FLT1: variants seen among roughly 807,000 people sequenced by gnomAD.
FLT1 encodes the protein vascular endothelial growth factor receptor 1.
FLT1 carries 49 observed loss-of-function variants against 156.3 expected under a neutral mutation model. The observed-to-expected ratio is 0.31, with a 90% CI of 0.25 to 0.40. The LOEUF (loss-of-function observed/expected upper bound fraction) is 0.40, where lower values mean the gene tolerates loss of function less well. Among genes scored for constraint, FLT1 ranks in the 10% least tolerant of loss-of-function variants. The pLI is 1.00. For missense variants in FLT1, 1,322 were observed against 1,637.2 expected, an observed-to-expected ratio of 0.81 and a Z score of 3.32; for synonymous variants, 594 against 583.8, an observed-to-expected ratio of 1.02 and a Z score of -0.25.
chr13:28,381,484 A>G (rs1373896421), intron 14 of FLT1, among the ~76,000 whole-genome samples: 1 of 152,150 alleles, frequency 6.6e-6, no homozygotes, highest in Admixed American at 6.5e-5. Context: ...ACTTGAACAC[A>G]GGAGATGGAG....
At chr13:28,325,816 C>CAA (rs377427677) in intron 20 of FLT1, among the ~76,000 whole-genome samples, 36,649 of 70,728 alleles carry the variant, frequency 0.52, 10,867 homozygotes, top group East Asian at 0.66. Context: ...AACTCTGTCT[C>CAA]AAAAAAAAAA....
At chr13:28,354,424 T>C (rs1872828986) in intron 15 of FLT1, among the ~76,000 whole-genome samples, 1 of 152,202 alleles carries the variant, frequency 6.6e-6, no homozygotes, top group Admixed American at 6.5e-5. Flanking sequence ...TCTTTTCTGG[T>C]GTGTCAAAGA....
intron 4 of FLT1, 141 bp from the exon 5 acceptor site, chr13:28,434,361 T>G (rs1877901013): frequency 4.0e-6 from 3 of 755,338 alleles, no homozygotes; most frequent in Non-Finnish European, 6.5e-6. Flanking sequence ...ACAAACTAGG[T>G]TAAAAACTCT....
chr13:28,486,894 G>A (rs553059694), intron 1 of FLT1, among the ~76,000 whole-genome samples: 1 of 151,960 alleles, frequency 6.6e-6, no homozygotes, highest in Non-Finnish European at 1.5e-5. Context: ...TCTCAAACTG[G>A]CCCCTGGGCA....
chr13:28,431,936 G>A (rs1877707079), intron 6 of FLT1, among the ~76,000 whole-genome samples: 1 of 151,960 alleles, frequency 6.6e-6, no homozygotes, highest in Non-Finnish European at 1.5e-5. Context: ...TTTGAACAGT[G>A]CTTGCCCATG....
At chr13:28,480,386 A>G (rs73158199) in intron 1 of FLT1, among the ~76,000 whole-genome samples, 2 of 152,368 alleles carry the variant, frequency 1.3e-5, no homozygotes, top group Non-Finnish European at 2.9e-5. Context: ...ATAAGTATAT[A>G]TAGATATATA....
chr13:28,387,734 A>G, intron 13 of FLT1: 1 of 1,023,292 alleles, frequency 9.8e-7, no homozygotes. Flanking sequence ...CGTTATCTTC[A>G]CCTCCCTTCA....
intron 14 of FLT1, among the ~76,000 whole-genome samples, chr13:28,360,518 G>A (rs1289988817): frequency 1.3e-5 from 2 of 152,174 alleles, no homozygotes; most frequent in South Asian, 2.1e-4. Flanking sequence ...AAAATAACAG[G>A]AAATTCTGTC....
At chr13:28,368,532 A>G in intron 14 of FLT1, 1 of 1,547,132 alleles carries the variant, frequency 6.5e-7, no homozygotes, top group Non-Finnish European at 8.7e-7. Context: ...TTTTCAATAA[A>G]TGGTAGCTAT....
rs116511491 is a variant in FLT1, at chr13:28,310,289, T to G, written c.3635+1301A>C. 1.3e-3 allele frequency among the ~76,000 whole-genome samples: 196 copies of G among 152,266 alleles called. 1 individual carries two copies. The highest frequency in any genetic ancestry group is 4.5e-3 in the African/African-American group (189 of 41,556). On this transcript the variant is annotated intron_variant, in intron 27 of 29. Transcript: ENST00000282397. ...GAGCTGTGCCTACTGCAAAGAGAGA[T>G]GCTAGAGGCCCATAGTACAGTCTGG...
intron 14 of FLT1, among the ~76,000 whole-genome samples, chr13:28,363,443 ACATGTTTTTGTACTTTTTCCACATG>A (rs1873180321): frequency 1.3e-5 from 2 of 152,148 alleles, no homozygotes; most frequent in African/African-American, 4.8e-5. Context: ...TCTACATAGT[ACATGTTTTTGTACTTTTTCCACATG>A]CATGTTTTTG....
chr13:28,348,798 A>G (rs988233332), intron 15 of FLT1, among the ~76,000 whole-genome samples: 1 of 152,088 alleles, frequency 6.6e-6, no homozygotes, highest in African/African-American at 2.4e-5. Flanking sequence ...AGTCCCAGCT[A>G]CTCAGGAGGC....
chr13:28,453,045 T>A (rs1323853372), intron 3 of FLT1, among the ~76,000 whole-genome samples: 1 of 1,066 alleles, frequency 9.4e-4, no homozygotes, highest in African/African-American at 5.9e-3. Flanking sequence ...TCCTTTCCTT[T>A]CCTTTCCTTT....
At chr13:28,360,525 T>C (rs1159837134) in intron 14 of FLT1, among the ~76,000 whole-genome samples, 1 of 152,236 alleles carries the variant, frequency 6.6e-6, no homozygotes, top group African/African-American at 2.4e-5. Context: ...CAGGAAATTC[T>C]GTCATTTATG....
intron 3 of FLT1, among the ~76,000 whole-genome samples, chr13:28,448,347 G>GA (rs1406254205): frequency 2.6e-5 from 4 of 152,218 alleles, no homozygotes; most frequent in African/African-American, 9.6e-5. Flanking sequence ...GCAAAAGGTG[G>GA]AAGCAACTCA....
chr13:28,337,599 C>T (rs1211292150), intron 17 of FLT1, among the ~76,000 whole-genome samples: 1 of 152,198 alleles, frequency 6.6e-6, no homozygotes, highest in Non-Finnish European at 1.5e-5. Flanking sequence ...ATCAGAGACA[C>T]TCAAATGGAC....
At position 28,301,350 on chromosome 13, in the gene FLT1, A is replaced by C. The variant is rs1870509145; in HGVS notation, c.*1817T>G. ...CTAGCCTGCTTTTGTTTGGATTTAG[A>C]TCTTGGTGGAGAGGACTGTCCCACT... On this transcript the variant is annotated 3_prime_UTR_variant, in exon 30 of 30. Transcript: ENST00000282397. 8.6e-6 allele frequency: 2 copies of C among 232,898 alleles called. No homozygotes were observed. The highest frequency in any genetic ancestry group is 1.7e-5 in the Non-Finnish European group (2 of 117,918). The allele number at this position is 232,898 out of a possible 1,614,324, so 14.4% of individuals were successfully genotyped here.
intron 3 of FLT1, among the ~76,000 whole-genome samples, chr13:28,448,601 G>C (rs1247042129): frequency 6.6e-6 from 1 of 151,740 alleles, no homozygotes; most frequent in East Asian, 1.9e-4. Context: ...TTTAGGGCTG[G>C]GGGGATAAGG....
intron 14 of FLT1, among the ~76,000 whole-genome samples, chr13:28,362,506 A>C (rs1199776711): frequency 6.6e-6 from 1 of 152,086 alleles, no homozygotes; most frequent in Non-Finnish European, 1.5e-5. Context: ...ATTTTCTATC[A>C]CTCAAATCCC....
Sources: gnomAD v4.1 joint callset for allele counts (sites outside exome capture counted in the v4.1 genomes callset) on GRCh38, gnomAD v4.1.1 for gene constraint, MANE v1.5 for transcripts, NCBI Gene and HGNC (gene_info 2026-07-23, HGNC 2026-07-21) for gene names.